Variants in ZFP64 observed in about 807,000 individuals in gnomAD.
ZFP64 encodes zinc finger protein 64.
A neutral mutation model predicts 51.6 loss-of-function variants in ZFP64; 14 were observed. The observed-to-expected ratio is 0.27, with a 90% CI of 0.18 to 0.42. The LOEUF (loss-of-function observed/expected upper bound fraction) is 0.42, where lower values mean the gene tolerates loss of function less well. ZFP64 is among the 10% of genes least tolerant of loss of function. ZFP64 has a pLI of 1.00. For synonymous variants in ZFP64, 375 were observed against 361.4 expected, an observed-to-expected ratio of 1.04 and a Z score of -0.43; for missense variants, 754 against 906.8, an observed-to-expected ratio of 0.83 and a Z score of 2.16.
Position 52,107,269 on chromosome 20 carries a change from G to T in ZFP64, c.764-8682C>A, listed in dbSNP as rs770382696. ...TACATGTGTTTGCATTTGCTTTGTT[G>T]TTATTTCACCTCAGGTGTACACAAT... On this transcript the variant is annotated intron_variant, in intron 5 of 8. Transcript: ENST00000361387. 5.9e-4 allele frequency among the ~76,000 whole-genome samples: 90 copies of T among 152,130 alleles called. 1 individual carries two copies. The highest frequency in any genetic ancestry group is 1.1e-3 in the Non-Finnish European group (72 of 68,026).
intron 5 of ZFP64, among the ~76,000 whole-genome samples, chr20:52,103,153 T>G (rs1313078297): frequency 1.3e-5 from 2 of 152,152 alleles, no homozygotes; most frequent in Non-Finnish European, 2.9e-5. Context: ...CGCATTTGAC[T>G]ATTAGAAACC....
chr20:52,184,444 G>A (rs939504949), intron 2 of ZFP64, among the ~76,000 whole-genome samples: 9 of 151,962 alleles, frequency 5.9e-5, no homozygotes, highest in East Asian at 3.9e-4. Context: ...TTACATTACC[G>A]CCCCATCCCT....
intron 1 of ZFP64, among the ~76,000 whole-genome samples, chr20:52,187,586 C>T (rs955223714): frequency 2.6e-5 from 4 of 151,950 alleles, no homozygotes; most frequent in African/African-American, 9.7e-5. Flanking sequence ...CACACCATTG[C>T]ACTCCAGCCT....
chr20:52,142,301 G>A (rs1980294200), intron 5 of ZFP64, among the ~76,000 whole-genome samples: 1 of 151,692 alleles, frequency 6.6e-6, no homozygotes, highest in Admixed American at 6.6e-5. Context: ...TCGGGCGGCG[G>A]AGGTTGCAGT....
At chr20:52,182,037 C>T (rs1020970205) in intron 2 of ZFP64, among the ~76,000 whole-genome samples, 1 of 152,218 alleles carries the variant, frequency 6.6e-6, no homozygotes, top group Non-Finnish European at 1.5e-5. Context: ...TTAGACTCTA[C>T]ATTAATAAAA....
chr20:52,156,639 C>T (rs6013403), intron 5 of ZFP64, among the ~76,000 whole-genome samples: 5,339 of 152,286 alleles, frequency 0.035, 299 homozygotes, highest in African/African-American at 0.12. Flanking sequence ...TATTACGCTG[C>T]ATCACTGTGA....
chr20:52,189,547 C>G (rs533376765), intron 1 of ZFP64, among the ~76,000 whole-genome samples: 1 of 151,196 alleles, frequency 6.6e-6, no homozygotes, highest in Non-Finnish European at 1.5e-5. Flanking sequence ...ACGATCTCAG[C>G]TCACTGCAAC....
chr20:52,152,971 G>A lies in ZFP64; in HGVS notation c.1221C>T (p.Asp407=), dbSNP rs750476083. The A allele has an allele frequency of 1.2e-6, 2 of 1,613,722 alleles. No individual in the cohort carries two copies. The highest frequency in any genetic ancestry group is 1.3e-5 in the African/African-American group (1 of 74,944). Residue 407 remains aspartate (D), a synonymous_variant, in exon 6 of 6, where the codon GAC becomes GAT. Coordinates refer to ENST00000216923, the MANE Select transcript of ZFP64 (RefSeq NM_018197.3). The stretch of plus-strand genomic sequence containing the variant: ...CCTGCCGGCTGCTCTGCCTGCCGGT[G>A]TCCTTCCTCTCTAGAGCCTCAGTCT... The part of the protein sequence containing the change: ...MVKTEALERK[D]TGRQSSRQVA...
At chr20:52,134,655 G>A (rs1600738415) in intron 5 of ZFP64, among the ~76,000 whole-genome samples, 1 of 151,920 alleles carries the variant, frequency 6.6e-6, no homozygotes, top group East Asian at 1.9e-4. Flanking sequence ...TCCAGGAAGG[G>A]GTTTCATATG....
intron 4 of ZFP64, 144 bp downstream of exon 4, chr20:52,164,551 A>G (rs986043885): frequency 1.4e-6 from 1 of 719,036 alleles, no homozygotes; most frequent in Non-Finnish European, 2.4e-6. Flanking sequence ...TACAAATGGC[A>G]CCTTATTTTT....
At chr20:52,179,561 A>G (rs957362360) in intron 2 of ZFP64, among the ~76,000 whole-genome samples, 1 of 152,236 alleles carries the variant, frequency 6.6e-6, no homozygotes, top group Non-Finnish European at 1.5e-5. Context: ...ACAGTCTAGT[A>G]AACTAGAAAT....
intron 5 of ZFP64, among the ~76,000 whole-genome samples, chr20:52,146,114 A>T (rs1980512907): frequency 6.6e-6 from 1 of 151,910 alleles, no homozygotes; most frequent in Non-Finnish European, 1.5e-5. Flanking sequence ...CATGCGCATT[A>T]GCCTCAGCCT....
intron 2 of ZFP64, among the ~76,000 whole-genome samples, chr20:52,177,754 C>T (rs752792596): frequency 3.3e-5 from 5 of 152,138 alleles, no homozygotes; most frequent in Admixed American, 2.6e-4. Flanking sequence ...CAACAGAGGC[C>T]GGGCGTGGTT....
chr20:52,114,162 G>T (rs963111361), intron 5 of ZFP64, among the ~76,000 whole-genome samples: 30 of 152,224 alleles, frequency 2.0e-4, no homozygotes, highest in African/African-American at 7.0e-4. Flanking sequence ...AAATATTCAA[G>T]GTCACTTATG....
chr20:52,170,053 C>CA (rs1057418026), intron 2 of ZFP64, among the ~76,000 whole-genome samples: 63 of 142,576 alleles, frequency 4.4e-4, no homozygotes, highest in East Asian at 1.2e-3. Context: ...AATTCCGTCT[C>CA]AAAAAAAAAA....
intron 5 of ZFP64, among the ~76,000 whole-genome samples, chr20:52,124,776 C>CTT (rs113311755): frequency 2.8e-3 from 422 of 148,502 alleles, no homozygotes; most frequent in Non-Finnish European, 4.0e-3. Context: ...TTTGTATTTT[C>CTT]TTTTTTTTTT....
At chr20:52,184,887 C>G (rs1290755153) in intron 2 of ZFP64, among the ~76,000 whole-genome samples, 1 of 152,180 alleles carries the variant, frequency 6.6e-6, no homozygotes, top group East Asian at 1.9e-4. Context: ...CTTGCCCTCA[C>G]AAAGGGCTGG....
chr20:52,147,836 G>A (rs967865467), downstream of ZFP64, among the ~76,000 whole-genome samples: 4 of 152,048 alleles, frequency 2.6e-5, no homozygotes, highest in South Asian at 2.1e-4. Context: ...TCCACATGGC[G>A]AAACCCCATC....
At position 52,136,047 on chromosome 20, in the gene ZFP64, C is replaced by T. The variant is rs563261020; in HGVS notation, c.763+24076G>A. Among the ~76,000 whole-genome samples, 9 of 126,956 alleles carry T rather than the reference C, an allele frequency of 7.1e-5. No individual in the cohort carries two copies. The South Asian group carries it at 7.4e-4, about 10-fold the overall frequency. The allele number at this position is 126,956 out of a possible 152,430, so 83.3% of individuals were successfully genotyped here. A position where few individuals can be genotyped will look rare whatever the true frequency, so the allele number is the denominator to read the frequency against. ...CAGGGAGGTGGAGGTTGCAGTGAGC[C>T]GAAATCACACCACTGCACTCCAGCC... On this transcript the variant is annotated intron_variant, in intron 5 of 8. Coordinates refer to the ZFP64 transcript ENST00000361387.
Sources: allele counts gnomAD v4.1 joint callset (sites outside exome capture counted in the v4.1 genomes callset), GRCh38; gene constraint gnomAD v4.1.1; transcripts MANE v1.5; gene names NCBI Gene and HGNC (gene_info 2026-07-23, HGNC 2026-07-21).